GNB1: variants seen among roughly 807,000 people sequenced by gnomAD.
GNB1 encodes the protein guanine nucleotide-binding protein G(I)/G(S)/G(T) subunit beta-1.
A neutral mutation model predicts 42.9 loss-of-function variants in GNB1; 2 were observed. That is an observed-to-expected ratio of 0.05 (90% CI 0.02 to 0.15). The LOEUF (loss-of-function observed/expected upper bound fraction) is 0.15. GNB1 is among the 10% of genes least tolerant of loss of function. The pLI, the probability that GNB1 is intolerant of heterozygous loss-of-function variation, is 1.00. For missense variants in GNB1, 193 were observed against 462.2 expected (o/e 0.42, Z 5.34); for synonymous variants, 183 against 174.7 (o/e 1.05, Z -0.38).
At chr1:1,813,180 AC>A (rs1424272015) in intron 5 of GNB1, among the ~76,000 whole-genome samples, 2 of 150,218 alleles carry the variant, frequency 1.3e-5, no homozygotes, top group Non-Finnish European at 3.0e-5. Flanking sequence ...AGTCAGTGTC[AC>A]TCTGTCACCC....
intron 1 of GNB1, among the ~76,000 whole-genome samples, chr1:1,882,869 C>T (rs185218583): frequency 7.3e-5 from 11 of 150,672 alleles, no homozygotes; most frequent in African/African-American, 2.7e-4. Flanking sequence ...TGCAGTGAGC[C>T]GAGATCATGT....
chr1:1,868,786 GAA>G, intron 1 of GNB1, among the ~76,000 whole-genome samples: 1 of 150,090 alleles, frequency 6.7e-6, no homozygotes, highest in South Asian at 2.1e-4. Flanking sequence ...TCTCAAAAAA[GAA>G]AAAAAGTGAA....
At chr1:1,835,922 G>GAAAAAA (rs59271649) in intron 2 of GNB1, among the ~76,000 whole-genome samples, 7 of 88,670 alleles carry the variant, frequency 7.9e-5, no homozygotes, top group East Asian at 3.5e-4. Flanking sequence ...ATTAAAAAAA[G>GAAAAAA]AAAAAAAAAA....
chr1:1,811,196 C>T (rs1646773585), intron 5 of GNB1, among the ~76,000 whole-genome samples: 1 of 151,750 alleles, frequency 6.6e-6, no homozygotes, highest in Non-Finnish European at 1.5e-5. Context: ...AGCGATTCTC[C>T]CACCTCAGCC....
intron 3 of GNB1, chr1:1,825,069 G>C (rs1417867503): frequency 4.5e-6 from 1 of 222,666 alleles, no homozygotes; most frequent in South Asian, 1.2e-4. Flanking sequence ...AATATTCAGG[G>C]GAGGGAGGTA....
intron 1 of GNB1, among the ~76,000 whole-genome samples, chr1:1,884,916 A>T (rs184814240): frequency 6.7e-6 from 1 of 149,998 alleles, no homozygotes; most frequent in East Asian, 2.1e-4. Flanking sequence ...ATCTCCTGAC[A>T]TCGTGATCTG....
intron 7 of GNB1, among the ~76,000 whole-genome samples, chr1:1,800,951 G>A (rs1437461342): frequency 2.0e-5 from 3 of 152,228 alleles, no homozygotes; most frequent in Non-Finnish European, 4.4e-5. Context: ...CCGAAAGGAC[G>A]CCCGCAGAAG....
chr1:1,836,059 C>CA (rs1294156919), intron 2 of GNB1, among the ~76,000 whole-genome samples: 3 of 151,704 alleles, frequency 2.0e-5, no homozygotes, highest in Non-Finnish European at 4.4e-5. Context: ...CATTGTACTC[C>CA]AGTCTAAGAG....
intron 7 of GNB1, among the ~76,000 whole-genome samples, chr1:1,798,915 CACAA>C (rs1264369193): frequency 6.2e-5 from 9 of 145,756 alleles, no homozygotes; most frequent in Non-Finnish European, 1.4e-4. Flanking sequence ...CACCCAGACT[CACAA>C]ACACTCTTTT....
intron 1 of GNB1, among the ~76,000 whole-genome samples, chr1:1,840,056 G>A (rs1231485846): frequency 6.7e-6 from 1 of 149,824 alleles, no homozygotes; most frequent in East Asian, 2.0e-4. Context: ...AAAAAAAAAC[G>A]TTTCTACTAA....
intron 5 of GNB1, among the ~76,000 whole-genome samples, chr1:1,807,591 G>C (rs908966231): frequency 6.6e-6 from 1 of 151,264 alleles, no homozygotes; most frequent in Non-Finnish European, 1.5e-5. Context: ...GCTAAAATTG[G>C]AATCAAGGTC....
At chr1:1,815,222 G>C (rs1646837068) in intron 5 of GNB1, among the ~76,000 whole-genome samples, 1 of 152,148 alleles carries the variant, frequency 6.6e-6, no homozygotes, top group African/African-American at 2.4e-5. Context: ...CCAGATGAGA[G>C]AATGGTGAGA....
intron 1 of GNB1, among the ~76,000 whole-genome samples, chr1:1,853,065 G>A (rs1463253383): frequency 6.6e-6 from 1 of 151,940 alleles, no homozygotes; most frequent in Non-Finnish European, 1.5e-5. Flanking sequence ...CAGCTCTCCT[G>A]CAGCACAGAC....
intron 7 of GNB1, among the ~76,000 whole-genome samples, chr1:1,796,890 T>C (rs1187760353): frequency 6.6e-6 from 1 of 151,538 alleles, no homozygotes; most frequent in African/African-American, 2.4e-5. Context: ...AGAGAGGGGG[T>C]GGCTTGAAGA....
chr1:1,796,870 A>G (rs1203854448), intron 7 of GNB1, among the ~76,000 whole-genome samples: 1 of 152,158 alleles, frequency 6.6e-6, no homozygotes, highest in Admixed American at 6.6e-5. Flanking sequence ...CAAGGCTGTT[A>G]AAGTCCAGGA....
chr1:1,802,443 G>A (rs1646638086), intron 7 of GNB1, among the ~76,000 whole-genome samples: 1 of 152,098 alleles, frequency 6.6e-6, no homozygotes, highest in South Asian at 2.1e-4. Flanking sequence ...CACTCACAAG[G>A]ATATTAAAAA....
chr1:1,856,399 C>T (rs936883318), intron 1 of GNB1, among the ~76,000 whole-genome samples: 1 of 152,184 alleles, frequency 6.6e-6, no homozygotes, highest in African/African-American at 2.4e-5. Context: ...GCTGGGATAA[C>T]AGGCATAAGC....
Position 1,804,508 on chromosome 1 carries a change from C to G in GNB1, c.341G>C (p.Cys114Ser), listed in dbSNP as rs1313820360. 1 of 1,613,416 alleles carries G rather than the reference C, an allele frequency of 6.2e-7. No homozygotes were observed. Among genetic ancestry groups the G allele is most frequent in the Non-Finnish European group, 8.5e-7 (1 of 1,179,530 alleles). The change falls in exon 7 of 12, where the codon TGC (cysteine) becomes TCC (serine). Residue 114 changes from cysteine to serine, a missense_variant. Physicochemically the swap from Cys to Ser is moderately radical, Grantham distance 112. Coordinates refer to ENST00000378609, the MANE Select transcript of GNB1 (RefSeq NM_002074.5). ...GGAGCAAATGTTATCCAGGCCACCG[C>G]AGGCCACATAGTTCCCAGAAGGGGC... ...AYAPSGNYVA[C>S]GGLDNICSIY...
rs1646397911 is a variant in GNB1, at chr1:1,785,803, C to T, written c.*1260G>A. Reference sequence around the variant, plus strand: ...CCAACAGCAGTCGTTTGCAACAGAACTTTTTTTTTTTTAAAGAAATAAAGA... The same window carrying T: ...CCAACAGCAGTCGTTTGCAACAGAATTTTTTTTTTTTTAAAGAAATAAAGA... On this transcript the variant is annotated 3_prime_UTR_variant, in exon 12 of 12. Transcript: ENST00000378609. The T allele has an allele frequency of 3.8e-6, 1 of 266,574 alleles. No individual in the cohort carries two copies. The highest frequency in any genetic ancestry group is 2.3e-5 in the African/African-American group (1 of 43,836). The allele number at this position is 266,574 out of a possible 1,614,324, so 16.5% of individuals were successfully genotyped here.
Sources: allele counts gnomAD v4.1 joint callset (sites outside exome capture counted in the v4.1 genomes callset), GRCh38; gene constraint gnomAD v4.1.1; transcripts MANE v1.5; gene names NCBI Gene and HGNC (gene_info 2026-07-23, HGNC 2026-07-21).